The following SND1 variants were observed in gnomAD, a reference collection of about 807,000 sequenced individuals.
The protein encoded by SND1 is staphylococcal nuclease domain-containing protein 1.
Under a neutral mutation model 121.7 loss-of-function variants are expected in SND1, and 38 were observed. The ratio of observed to expected loss-of-function variants is 0.31; its 90% confidence interval spans 0.24 to 0.41. The LOEUF is 0.41. Among genes scored for constraint, SND1 ranks in the 10% least tolerant of loss-of-function variants. SND1 has a pLI of 1.00. For synonymous variants in SND1, 401 were observed against 447.4 expected (o/e 0.90, Z 1.31); for missense variants, 868 against 1,184.6 (o/e 0.73, Z 3.92).
Position 127,940,026 on chromosome 7 carries a change from A to G in SND1, c.1669+10697A>G, listed in dbSNP as rs1159815527. Among the ~76,000 whole-genome samples, 5 of 151,980 alleles carry G rather than the reference A, an allele frequency of 3.3e-5. No homozygotes were observed. In the East Asian group the frequency reaches 9.6e-4, roughly 29 times the overall value. ...GCTAATGAGGCCAGTGGAGTAGTAG[A>G]GAAGGTCAGTCCTGTGAGCTTTTCC... On this transcript the variant is annotated intron_variant, in intron 15 of 23. Transcript: ENST00000354725.
At chr7:127,657,717 C>T (rs979552195) in intron 1 of SND1, among the ~76,000 whole-genome samples, 10 of 151,964 alleles carry the variant, frequency 6.6e-5, no homozygotes, top group Non-Finnish European at 1.0e-4. Flanking sequence ...AGGCTGGTCT[C>T]GAACTCCTGG....
chr7:127,833,245 A>G (rs1002094546), intron 11 of SND1, among the ~76,000 whole-genome samples: 2 of 146,054 alleles, frequency 1.4e-5, no homozygotes, highest in African/African-American at 5.1e-5. Flanking sequence ...TTTCTTGGGA[A>G]TGTGATTGAA....
chr7:127,884,186 C>T (rs1799850037), intron 12 of SND1, among the ~76,000 whole-genome samples: 1 of 152,044 alleles, frequency 6.6e-6, no homozygotes, highest in Admixed American at 6.6e-5. Flanking sequence ...TGAGCACTTC[C>T]TTGTTTTCTG....
chr7:128,065,955 T>G (rs1031981806), intron 16 of SND1, among the ~76,000 whole-genome samples: 1 of 151,640 alleles, frequency 6.6e-6, no homozygotes, highest in African/African-American at 2.4e-5. Context: ...CAGGGAAGAG[T>G]GTTAAATCTC....
At chr7:127,919,007 CT>C (rs997365483) in intron 14 of SND1, among the ~76,000 whole-genome samples, 55 of 152,144 alleles carry the variant, frequency 3.6e-4, no homozygotes, top group Admixed American at 2.7e-3. Flanking sequence ...AAAACTGGAA[CT>C]TTCTCTTCTG....
At chr7:127,728,255 C>A (rs968933887) in intron 10 of SND1, among the ~76,000 whole-genome samples, 1 of 152,156 alleles carries the variant, frequency 6.6e-6, no homozygotes, top group Admixed American at 6.5e-5. Flanking sequence ...TAACAATCTC[C>A]TAGTCTTGGT....
chr7:127,922,198 T>TTTTTTTTTTTTTTTTTTTTTTTTG (rs1800731864), intron 14 of SND1, among the ~76,000 whole-genome samples: 2 of 126,872 alleles, frequency 1.6e-5, no homozygotes, highest in African/African-American at 5.9e-5. Flanking sequence ...TTTTTTTTTT[T>TTTTTTTTTTTTTTTTTTTTTTTTG]TTTTTGTTTT....
intron 10 of SND1, among the ~76,000 whole-genome samples, chr7:127,725,244 C>G (rs929199527): frequency 1.3e-5 from 2 of 152,180 alleles, no homozygotes; most frequent in African/African-American, 2.4e-5. Context: ...GTTACAGTCA[C>G]AAGTGGAGCC....
At chr7:128,066,989 C>T (rs944679155) in intron 16 of SND1, among the ~76,000 whole-genome samples, 1 of 152,178 alleles carries the variant, frequency 6.6e-6, no homozygotes, top group Non-Finnish European at 1.5e-5. Context: ...CCCGCGCCCC[C>T]CTGCAAGTTC....
chr7:127,772,991 T>A (rs899736984), intron 10 of SND1, among the ~76,000 whole-genome samples: 1 of 152,264 alleles, frequency 6.6e-6, no homozygotes, highest in Non-Finnish European at 1.5e-5. Flanking sequence ...GTTTTTATTT[T>A]CCAGATTATG....
intron 11 of SND1, among the ~76,000 whole-genome samples, chr7:127,819,589 T>C (rs1584596599): frequency 6.6e-6 from 1 of 152,118 alleles, no homozygotes; most frequent in Non-Finnish European, 1.5e-5. Flanking sequence ...GGTAGAAAAA[T>C]TCAGGAGTCT....
intron 1 of SND1, among the ~76,000 whole-genome samples, chr7:127,676,239 A>G (rs1795614302): frequency 6.6e-6 from 1 of 152,118 alleles, no homozygotes; most frequent in Non-Finnish European, 1.5e-5. Flanking sequence ...TCCTCAGGGC[A>G]TTGTTGTGAG....
intron 8 of SND1, among the ~76,000 whole-genome samples, chr7:127,706,974 A>G (rs1796212489): frequency 6.6e-6 from 1 of 152,234 alleles, no homozygotes; most frequent in African/African-American, 2.4e-5. Context: ...ATCTTTGCAC[A>G]TATTCCATTT....
At chr7:127,933,908 A>C (rs942299475) in intron 15 of SND1, among the ~76,000 whole-genome samples, 1 of 152,226 alleles carries the variant, frequency 6.6e-6, no homozygotes, top group Non-Finnish European at 1.5e-5. Context: ...ACTTTGGAGC[A>C]AGGAACTCTG....
chr7:127,857,183 CTTTTTT>C (rs71522259), intron 12 of SND1, among the ~76,000 whole-genome samples: 6 of 67,992 alleles, frequency 8.8e-5, no homozygotes, highest in African/African-American at 3.3e-4. Context: ...AATGTCAACA[CTTTTTT>C]TTTTTTTTTT....
At chr7:128,035,552 C>T (rs1326411927) in intron 16 of SND1, among the ~76,000 whole-genome samples, 1 of 152,224 alleles carries the variant, frequency 6.6e-6, no homozygotes, top group Non-Finnish European at 1.5e-5. Flanking sequence ...AGTGACTTAC[C>T]TAAAGCTACA....
intron 10 of SND1, among the ~76,000 whole-genome samples, chr7:127,784,602 T>C (rs1027320769): frequency 1.3e-5 from 2 of 152,186 alleles, no homozygotes; most frequent in Non-Finnish European, 2.9e-5. Flanking sequence ...TTCATCCAAG[T>C]GCATTCCCAC....
intron 15 of SND1, among the ~76,000 whole-genome samples, chr7:127,963,939 T>C (rs1801795382): frequency 6.9e-6 from 1 of 144,244 alleles, no homozygotes; most frequent in Admixed American, 6.9e-5. Context: ...TTTTAATGAT[T>C]GCCATTCTAA....
chr7:128,089,771 G>A (rs1364198289), intron 22 of SND1, 79 bp downstream of exon 22: 1 of 1,299,904 alleles, frequency 7.7e-7, no homozygotes, highest in Non-Finnish European at 1.1e-6. Flanking sequence ...AGCCAGGAAG[G>A]GAGCAGGGAA....
Sources: allele counts gnomAD v4.1 joint callset (sites outside exome capture counted in the v4.1 genomes callset), GRCh38; gene constraint gnomAD v4.1.1; transcripts MANE v1.5; gene names NCBI Gene and HGNC (gene_info 2026-07-23, HGNC 2026-07-21).